The following AFDN variants were observed in gnomAD, a reference collection of about 807,000 sequenced individuals.
AFDN encodes afadin, adherens junction formation factor.
Under a neutral mutation model 216.6 loss-of-function variants are expected in AFDN, and 68 were observed. The observed-to-expected ratio is 0.31, with a 90% CI of 0.26 to 0.38. AFDN has a LOEUF of 0.38. Among genes scored for constraint, AFDN ranks in the 10% least tolerant of loss-of-function variants. The pLI is 1.00. For missense variants in AFDN, 2,136 were observed against 2,342.0 expected (o/e 0.91, Z 1.82); for synonymous variants, 868 against 853.7 (o/e 1.02, Z -0.29).
chr6:167,865,009 G>A (rs915766642), intron 2 of AFDN: 27 of 555,558 alleles, frequency 4.9e-5, no homozygotes, highest in African/African-American at 1.9e-4. Flanking sequence ...GATAAGTAAC[G>A]TTACATTTAT....
At chr6:167,946,646 A>T in intron 26 of AFDN, 61 bp from the exon 27 acceptor site, 1 of 1,407,978 alleles carries the variant, frequency 7.1e-7, no homozygotes, top group Non-Finnish European at 9.9e-7. Context: ...ATGGAATTTT[A>T]ATGATAATCA....
chr6:167,914,830 T>A, intron 18 of AFDN, 92 bp downstream of exon 18: 1 of 858,756 alleles, frequency 1.2e-6, no homozygotes. Context: ...GAGGTGTTTT[T>A]AAAATAAATG....
chr6:167,949,822 T>G (rs543846159), intron 29 of AFDN, among the ~76,000 whole-genome samples: 23 of 148,838 alleles, frequency 1.5e-4, no homozygotes, highest in African/African-American at 5.7e-4. Flanking sequence ...TCTTCACATT[T>G]ATAGTATACA....
intron 33 of AFDN, among the ~76,000 whole-genome samples, 176 bp from the exon 34 acceptor site, chr6:167,969,605 CT>C (rs796139739): frequency 3.0e-4 from 45 of 152,212 alleles, no homozygotes; most frequent in African/African-American, 1.0e-3. Context: ...ACATGTTGCC[CT>C]TTTTTTCTAG....
intron 1 of AFDN, among the ~76,000 whole-genome samples, chr6:167,847,429 A>G (rs1475660966): frequency 6.6e-6 from 1 of 152,162 alleles, no homozygotes; most frequent in African/African-American, 2.4e-5. Context: ...GAGCCTGTCC[A>G]AAACTAAACT....
intron 8 of AFDN, among the ~76,000 whole-genome samples, chr6:167,893,005 C>A (rs144161688): frequency 0.012 from 1,755 of 152,322 alleles, 39 homozygotes; most frequent in African/African-American, 0.04. Flanking sequence ...TTCCCGCCTT[C>A]AGGTAATTCA....
Position 167,962,651 on chromosome 6 carries a change from T to A in AFDN, c.4968+84T>A. 6.3e-7 allele frequency: 1 copy of A among 1,596,068 alleles called. No homozygotes were observed. Among genetic ancestry groups the A allele is most frequent in the South Asian group, 1.1e-5 (1 of 89,618 alleles). ...GGCTGGGGCAGAGCGGGCTGGAAGT[T>A]CTGTGTTTCTTAAGAAGCACGAGGC... On this transcript the variant is annotated intron_variant, in intron 31 of 33. Coordinates refer to ENST00000683244, the MANE Select transcript of AFDN (RefSeq NM_001386888.1). This position sits in a 1 kb window ranked among gnomAD's most constrained non-coding sequence, Gnocchi z 5.2.
intron 1 of AFDN, among the ~76,000 whole-genome samples, chr6:167,845,861 A>G (rs985981931): frequency 1.3e-5 from 2 of 152,230 alleles, no homozygotes; most frequent in African/African-American, 4.8e-5. Context: ...TAGTTGAATC[A>G]GTTCCACATG....
chr6:167,908,493 A>G (rs1243112475), intron 13 of AFDN, among the ~76,000 whole-genome samples: 1 of 152,186 alleles, frequency 6.6e-6, no homozygotes, highest in Non-Finnish European at 1.5e-5. Flanking sequence ...GATGTTCAGA[A>G]TGGTAAATTG....
At chr6:167,934,810 G>A (rs777671629) in intron 23 of AFDN, among the ~76,000 whole-genome samples, 1 of 152,118 alleles carries the variant, frequency 6.6e-6, no homozygotes, top group Non-Finnish European at 1.5e-5. Context: ...CCTAGGCTCC[G>A]CCTGACCGAG....
chr6:167,849,443 C>T (rs1782055791), intron 1 of AFDN, among the ~76,000 whole-genome samples: 1 of 120,444 alleles, frequency 8.3e-6, no homozygotes, highest in Non-Finnish European at 1.8e-5. Context: ...GTACCTTCTT[C>T]AAAAGTATCC....
chr6:167,874,961 C>G (rs1785186800), intron 4 of AFDN, among the ~76,000 whole-genome samples: 2 of 152,092 alleles, frequency 1.3e-5, no homozygotes. Context: ...ATTAAGTATT[C>G]AGTCCTATAT....
chr6:167,873,818 G>T (rs1029501055), intron 4 of AFDN, among the ~76,000 whole-genome samples: 3 of 152,156 alleles, frequency 2.0e-5, no homozygotes, highest in Admixed American at 6.5e-5. Context: ...GCCTGTCCAA[G>T]GCTTTTTCCC....
chr6:167,962,403 G>C lies in AFDN; in HGVS notation c.4834-30G>C, dbSNP rs575622767. 1 of 1,612,420 alleles carries C rather than the reference G, an allele frequency of 6.2e-7. No homozygotes were observed. The highest frequency in any genetic ancestry group is 1.7e-5 in the Admixed American group (1 of 59,988). On this transcript the variant is annotated intron_variant, in intron 30 of 33. Transcript: ENST00000683244. This position sits in a 1 kb window ranked among gnomAD's most constrained non-coding sequence, Gnocchi z 5.2. The stretch of plus-strand genomic sequence containing the variant: ...TATGTCTTGTGCTGGTGGAGTTTGT[G>C]GAGGGAGATTAATGTCAGCCTGTTG...
At position 167,965,851 on chromosome 6, in the gene AFDN, C is replaced by A; in HGVS notation, c.5063C>A (p.Pro1688His). ...CGCAGGTTGCTGGAGCCCGAGGCGCCCGGTCTGTGCCGCCCTCCGCTTCCC... is the reference window on the plus strand; with the variant it reads ...CGCAGGTTGCTGGAGCCCGAGGCGCACGGTCTGTGCCGCCCTCCGCTTCCC... ...AARRLLEPEA[P>H]GLCRPPLPRD... Residue 1688 changes from proline to histidine, a missense_variant, in exon 32 of 34, where the codon CCC (proline) becomes CAC (histidine). By Grantham distance (77) the Pro-to-His change is moderately conservative (BLOSUM62 -2). Around this residue, in one of 8 missense-constraint regions of AFDN, gnomAD observed 981 missense variants for 966.0 expected, o/e 1.02. Coordinates refer to ENST00000683244, the MANE Select transcript of AFDN (RefSeq NM_001386888.1). The A allele has an allele frequency of 6.5e-7, 1 of 1,549,100 alleles. No homozygotes were observed. The highest frequency in any genetic ancestry group is 2.0e-5 in the Admixed American group (1 of 50,998).
At chr6:167,965,128 T>C (rs1289586306) in intron 31 of AFDN, 1 of 973,868 alleles carries the variant, frequency 1.0e-6, no homozygotes, top group Non-Finnish European at 1.2e-6. Context: ...TGTTAGATTG[T>C]TACTTTGGGA....
intron 30 of AFDN, among the ~76,000 whole-genome samples, chr6:167,960,704 C>A (rs150281129): frequency 1.1e-4 from 17 of 152,288 alleles, no homozygotes; most frequent in African/African-American, 4.1e-4. Context: ...CCTTGCTGAA[C>A]GTTTCCATCC....
intron 6 of AFDN, among the ~76,000 whole-genome samples, chr6:167,885,735 CG>C (rs1266068544): frequency 3.9e-4 from 59 of 152,230 alleles, no homozygotes; most frequent in Admixed American, 3.6e-3. Context: ...CATCAGTAGG[CG>C]TGCTCAACGC....
chr6:167,968,296 G>A (rs1797758490), intron 32 of AFDN, among the ~76,000 whole-genome samples: 1 of 152,176 alleles, frequency 6.6e-6, no homozygotes, highest in African/African-American at 2.4e-5. Context: ...TGAGGATGGC[G>A]CCCTCTGCAG....
Sources: gnomAD v4.1 joint callset for allele counts (sites outside exome capture counted in the v4.1 genomes callset) on GRCh38, gnomAD v4.1.1 for gene constraint, gnomAD v4.1.1 regional missense constraint, Gnocchi (gnomAD v3.1) non-coding constraint, MANE v1.5 for transcripts, NCBI Gene and HGNC (gene_info 2026-07-23, HGNC 2026-07-21) for gene names.